The following EDAR variants were observed in gnomAD, a reference collection of about 807,000 sequenced individuals.
EDAR encodes the protein ectodysplasin A receptor.
Under a neutral mutation model 51.3 loss-of-function variants are expected in EDAR, and 38 were observed. That is an observed-to-expected ratio of 0.74 (90% CI 0.57 to 0.97). The LOEUF (loss-of-function observed/expected upper bound fraction) is 0.97. EDAR is among the 50% of genes least tolerant of loss of function. EDAR has a pLI of 0.00. For synonymous variants in EDAR, 227 were observed against 242.1 expected (o/e 0.94, Z 0.58); for missense variants, 528 against 595.0 (o/e 0.89, Z 1.17).
At position 108,897,136 on chromosome 2, in the gene EDAR, G is replaced by A. The variant is rs1574362024; in HGVS notation, c.1118C>T (p.Thr373Met). 1.2e-6 allele frequency: 2 copies of A among 1,613,922 alleles called. No homozygotes were observed. The highest frequency in any genetic ancestry group is 2.2e-5 in the East Asian group (1 of 44,860). Residue 373 changes from threonine (T) to methionine (M), a missense_variant, in exon 12 of 12, where the codon ACG (threonine) becomes ATG (methionine). Thr to Met is a moderately conservative substitution (Grantham distance 81). Transcript: ENST00000258443. ...TYNSEKAVVK[T>M]WRHLAESFGL... is the part of the protein sequence containing the mutation. ...GAAGCTCTCGGCGAGGTGGCGCCACGTTTTCACAACAGCCTTCTCAGAGTT... is the reference window on the plus strand; with the variant it reads ...GAAGCTCTCGGCGAGGTGGCGCCACATTTTCACAACAGCCTTCTCAGAGTT...
chr2:108,986,045 C>G (rs919311200), intron 1 of EDAR, among the ~76,000 whole-genome samples: 1 of 152,194 alleles, frequency 6.6e-6, no homozygotes, highest in African/African-American at 2.4e-5. Context: ...GTCAGCTATC[C>G]TTGGGTAATG....
intron 1 of EDAR, 41 bp downstream of exon 1, chr2:108,988,919 C>A (rs1698544709): frequency 6.6e-6 from 1 of 152,272 alleles, no homozygotes; most frequent in Non-Finnish European, 1.5e-5. Flanking sequence ...TCGGCCACAG[C>A]TGAAGAGTTT....
intron 1 of EDAR, among the ~76,000 whole-genome samples, chr2:108,951,996 C>A (rs903024120): frequency 2.3e-4 from 35 of 152,208 alleles, no homozygotes; most frequent in Admixed American, 3.9e-4. Context: ...CAGGCAGGAC[C>A]AAGAATATTT....
chr2:108,907,580 G>A lies in EDAR; in HGVS notation c.963+280C>T, dbSNP rs537530379. Among the ~76,000 whole-genome samples the A allele has an allele frequency of 3.3e-5, 5 of 152,024 alleles. No individual in the cohort carries two copies. The East Asian group carries it at 7.8e-4, about 24-fold the overall frequency. On this transcript the variant is annotated intron_variant, in intron 10 of 11. Transcript: ENST00000258443. ...GGAGAATTGCTTGAACCCAGGAGGC[G>A]GAGGTTGTAGTGAGCCGAGATCGCA...
intron 1 of EDAR, among the ~76,000 whole-genome samples, chr2:108,984,229 C>A (rs1228959146): frequency 1.3e-5 from 2 of 152,082 alleles, no homozygotes; most frequent in Middle Eastern, 3.2e-3. Context: ...TGCACCTCAG[C>A]CAAGCCAACT....
intron 1 of EDAR, among the ~76,000 whole-genome samples, chr2:108,988,209 G>A (rs1339549963): frequency 6.6e-6 from 1 of 152,230 alleles, no homozygotes; most frequent in African/African-American, 2.4e-5. Context: ...GGGAAACCCA[G>A]TGGGAACCTC....
chr2:108,934,253 G>C (rs1324500069), intron 1 of EDAR, among the ~76,000 whole-genome samples: 2 of 152,158 alleles, frequency 1.3e-5, no homozygotes, highest in Non-Finnish European at 2.9e-5. Context: ...TGGGGGAGGG[G>C]AGCACAGGGC....
intron 1 of EDAR, among the ~76,000 whole-genome samples, chr2:108,974,329 C>CAAAAAAAAAAAAA (rs11346592): frequency 1.6e-5 from 1 of 61,496 alleles, no homozygotes; most frequent in Non-Finnish European, 2.7e-5. Flanking sequence ...GGATCCGTCT[C>CAAAAAAAAAAAAA]AAAAAAAAAA....
intron 9 of EDAR, 136 bp downstream of exon 9, chr2:108,910,324 G>A: frequency 2.8e-6 from 2 of 709,676 alleles, no homozygotes; most frequent in Non-Finnish European, 4.9e-6. Context: ...AGAGGTGGTG[G>A]GGACTGTCTG....
rs999866018 is a variant in EDAR at position 108,966,214 on chromosome 2, A to G, written c.-19+22746T>C. ...CTTAAGTATCAAATTTCAAGAATGC[A>G]AAGACCTGTCTGCCTTGCATGTTGT... On this transcript the variant is annotated intron_variant, in intron 1 of 11. Transcript: ENST00000258443. Among the ~76,000 whole-genome samples the G allele has an allele frequency of 1.1e-4, 17 of 152,214 alleles. 1 individual carries two copies. The highest frequency in any genetic ancestry group is 2.1e-4 in the Non-Finnish European group (14 of 68,028).
At chr2:108,949,954 A>C (rs1477482217) in intron 1 of EDAR, among the ~76,000 whole-genome samples, 1 of 152,200 alleles carries the variant, frequency 6.6e-6, no homozygotes, top group Non-Finnish European at 1.5e-5. Context: ...TGAAATAACA[A>C]ATGTATATGG....
chr2:108,985,988 T>C (rs1032817433), intron 1 of EDAR, among the ~76,000 whole-genome samples: 1 of 152,188 alleles, frequency 6.6e-6, no homozygotes, highest in Non-Finnish European at 1.5e-5. Flanking sequence ...GGCTGATCCC[T>C]GCCAAGACCC....
At chr2:108,926,309 C>T (rs1488394769) in intron 4 of EDAR, among the ~76,000 whole-genome samples, 1 of 152,188 alleles carries the variant, frequency 6.6e-6, no homozygotes, top group East Asian at 1.9e-4. Flanking sequence ...AGCCCCCCAA[C>T]CCCTGTTCTA....
chr2:108,940,706 C>T (rs1003649456), intron 1 of EDAR, among the ~76,000 whole-genome samples: 9 of 152,314 alleles, frequency 5.9e-5, no homozygotes, highest in Admixed American at 2.6e-4. Flanking sequence ...TCACACCACG[C>T]GATGACGTGG....
At chr2:108,914,497 G>A (rs1696991224) in intron 5 of EDAR, among the ~76,000 whole-genome samples, 1 of 152,080 alleles carries the variant, frequency 6.6e-6, no homozygotes, top group South Asian at 2.1e-4. Context: ...TATGGAAAAA[G>A]TGTGACTTAG....
intron 1 of EDAR, among the ~76,000 whole-genome samples, chr2:108,939,713 A>C (rs1024267495): frequency 1.3e-5 from 2 of 152,192 alleles, no homozygotes; most frequent in Non-Finnish European, 2.9e-5. Flanking sequence ...TTCTGATAAA[A>C]CCAAGAACTC....
intron 1 of EDAR, among the ~76,000 whole-genome samples, chr2:108,945,349 T>G (rs1249955690): frequency 1.3e-5 from 2 of 152,200 alleles, no homozygotes; most frequent in Non-Finnish European, 2.9e-5. Flanking sequence ...CATTTATTTA[T>G]TTATCCCCAT....
rs1255044614 is a variant in EDAR at position 108,906,437 on chromosome 2, T to C, written c.964-69A>G. 3.2e-6 allele frequency: 5 copies of C among 1,543,364 alleles called. No homozygotes were observed. The African/African-American group carries it at 5.4e-5, about 17-fold the overall frequency. Reference sequence around the variant, plus strand: ...CAGTAGAAAGGAGGCAAATCCTCCATGTCAGCAGGGGCAGGCAGCAGCTAC... The same window carrying C: ...CAGTAGAAAGGAGGCAAATCCTCCACGTCAGCAGGGGCAGGCAGCAGCTAC... On this transcript the variant is annotated intron_variant, in intron 10 of 11. Coordinates refer to ENST00000258443, the MANE Select transcript of EDAR (RefSeq NM_022336.4).
intron 1 of EDAR, among the ~76,000 whole-genome samples, chr2:108,957,870 T>G (rs1318687918): frequency 6.6e-6 from 1 of 152,248 alleles, no homozygotes; most frequent in African/African-American, 2.4e-5. Flanking sequence ...TTGTAACGTT[T>G]TTGATCTTTA....
Sources: gnomAD v4.1 joint callset for allele counts (sites outside exome capture counted in the v4.1 genomes callset) on GRCh38, gnomAD v4.1.1 for gene constraint, MANE v1.5 for transcripts, NCBI Gene and HGNC (gene_info 2026-07-23, HGNC 2026-07-21) for gene names.